The following MCM8 variants were observed in gnomAD, a reference collection of about 807,000 sequenced individuals.
MCM8 encodes minichromosome maintenance 8 homologous recombination repair factor, also known as DNA helicase MCM8.
A neutral mutation model predicts 98.9 loss-of-function variants in MCM8; 85 were observed. That is an observed-to-expected ratio of 0.86 (90% CI 0.72 to 1.03). MCM8 has a LOEUF of 1.03. MCM8 is among the 50% of genes least tolerant of loss of function. The probability of loss-of-function intolerance (pLI) is 0.00; values close to 1 mark genes in which losing one functional copy is unlikely to be tolerated. For synonymous variants in MCM8, 352 were observed against 338.6 expected, an observed-to-expected ratio of 1.04 and a Z score of -0.44; for missense variants, 951 against 997.8, an observed-to-expected ratio of 0.95 and a Z score of 0.63.
At chr20:5,961,993 A>T (rs1440067868) in intron 7 of MCM8, among the ~76,000 whole-genome samples, 3 of 152,232 alleles carry the variant, frequency 2.0e-5, no homozygotes, top group Non-Finnish European at 4.4e-5. Flanking sequence ...TCTGTGGATC[A>T]GGAGTTTGGA....
chr20:5,960,231 C>T (rs766708234), intron 7 of MCM8, among the ~76,000 whole-genome samples: 2 of 151,964 alleles, frequency 1.3e-5, no homozygotes, highest in Non-Finnish European at 2.9e-5. Context: ...GTTTCTTTAT[C>T]GAATTTTCTA....
intron 16 of MCM8, among the ~76,000 whole-genome samples, chr20:5,986,668 G>T (rs112330878): frequency 5.9e-5 from 9 of 152,138 alleles, no homozygotes; most frequent in African/African-American, 2.2e-4. Flanking sequence ...TATTGGTTAG[G>T]TATGATTTCC....
At chr20:5,969,176 G>A (rs1459339881) in intron 10 of MCM8, among the ~76,000 whole-genome samples, 1 of 152,166 alleles carries the variant, frequency 6.6e-6, no homozygotes, top group East Asian at 1.9e-4. Flanking sequence ...TGTTACTTTT[G>A]ATAATTTTTT....
At chr20:5,968,678 A>G (rs1342041364) in intron 10 of MCM8, among the ~76,000 whole-genome samples, 1 of 152,230 alleles carries the variant, frequency 6.6e-6, no homozygotes. Flanking sequence ...CAGAGAACAT[A>G]TATATGGCTC....
intron 13 of MCM8, among the ~76,000 whole-genome samples, chr20:5,981,497 C>T (rs1045806741): frequency 6.6e-6 from 1 of 152,056 alleles, no homozygotes; most frequent in East Asian, 1.9e-4. Flanking sequence ...TTCAACAAAG[C>T]CCCCCTTGCT....
intron 3 of MCM8, among the ~76,000 whole-genome samples, chr20:5,953,807 G>A (rs2088899376): frequency 6.6e-6 from 1 of 151,540 alleles, no homozygotes; most frequent in South Asian, 2.1e-4. Context: ...CTAGACGTTT[G>A]AGGTCCAGGA....
intron 14 of MCM8, among the ~76,000 whole-genome samples, chr20:5,984,400 T>C (rs988945665): frequency 2.0e-5 from 3 of 152,116 alleles, no homozygotes; most frequent in Non-Finnish European, 4.4e-5. Context: ...ATCAGAAAGA[T>C]CTATTGAACA....
chr20:5,972,812 G>T (rs773466230), intron 11 of MCM8: 47 of 1,427,618 alleles, frequency 3.3e-5, no homozygotes, highest in Non-Finnish European at 4.1e-5. Flanking sequence ...ATGGATTTAT[G>T]CCTTGCAAGG....
intron 10 of MCM8, among the ~76,000 whole-genome samples, chr20:5,971,239 T>A (rs1182010381): frequency 6.6e-6 from 1 of 152,226 alleles, no homozygotes; most frequent in Admixed American, 6.5e-5. Context: ...TGCCTTATTA[T>A]ACCTCTCTGG....
At chr20:5,976,804 C>T (rs1026420870) in intron 12 of MCM8, among the ~76,000 whole-genome samples, 1 of 152,220 alleles carries the variant, frequency 6.6e-6, no homozygotes, top group East Asian at 1.9e-4. Context: ...GTCCGGCTCT[C>T]TCTCTGCTAG....
At chr20:5,970,334 G>A (rs1465237962) in intron 10 of MCM8, among the ~76,000 whole-genome samples, 4 of 152,202 alleles carry the variant, frequency 2.6e-5, no homozygotes, top group Non-Finnish European at 4.4e-5. Flanking sequence ...GATCAACATA[G>A]TTTACTTGGG....
chr20:5,979,171 C>T (rs975504435), intron 13 of MCM8, among the ~76,000 whole-genome samples: 1 of 152,210 alleles, frequency 6.6e-6, no homozygotes, highest in Non-Finnish European at 1.5e-5. Flanking sequence ...TAATCACTCC[C>T]TCCTCCTTGA....
intron 1 of MCM8, 78 bp downstream of exon 1, chr20:5,951,101 C>T (rs1250886282): frequency 1.3e-5 from 2 of 152,204 alleles, no homozygotes; most frequent in African/African-American, 4.8e-5. Context: ...TCTTTTTACT[C>T]TTTCTCCAGT....
rs541246012 is a variant in MCM8 at position 5,953,536 on chromosome 20, C to T, written c.253+1008C>T. The stretch of plus-strand genomic sequence containing the variant: ...TTGCCCAGGCTGAAGTGCAGTGGCG[C>T]GATCTTGGCTCACTGCAAGCTCTGC... On this transcript the variant is annotated intron_variant, in intron 3 of 18. Transcript: ENST00000610722. Among the ~76,000 whole-genome samples the T allele has an allele frequency of 6.8e-4, 103 of 151,664 alleles. 2 individuals are homozygous for T. The highest frequency in any genetic ancestry group is 2.3e-3 in the African/African-American group (93 of 41,280).
chr20:5,994,136 A>G (rs566689398), intron 18 of MCM8, among the ~76,000 whole-genome samples, 163 bp from the exon 19 acceptor site: 6 of 152,346 alleles, frequency 3.9e-5, no homozygotes, highest in Middle Eastern at 3.4e-3. Flanking sequence ...GGCATTATAG[A>G]ATCCAGAACT....
intron 6 of MCM8, 56 bp from the exon 7 acceptor site, chr20:5,958,472 T>C: frequency 4.3e-6 from 6 of 1,401,490 alleles, no homozygotes; most frequent in Non-Finnish European, 5.0e-6. Flanking sequence ...AAAAGGAACT[T>C]GTGAAAATAT....
intron 17 of MCM8, among the ~76,000 whole-genome samples, chr20:5,992,680 T>C (rs553735205): frequency 6.5e-4 from 99 of 152,302 alleles, no homozygotes; most frequent in Admixed American, 3.1e-3. Flanking sequence ...AGCTTTATTG[T>C]TTATAACCCA....
chr20:5,952,430 C>T lies in MCM8; in HGVS notation c.155C>T (p.Thr52Ile), dbSNP rs561643414. ...AGTATTTTATTTTTTTCAGAACAAA[C>T]CCCACAGTTTTTGCTTTCAACAAAG... ...KTTGKRTSEQ[T>I]PQFLLSTKTP... is the part of the protein sequence containing the mutation. Residue 52 changes from threonine to isoleucine, a missense_variant, in exon 3 of 19, where the codon ACC (threonine) becomes ATC (isoleucine). Transcript: ENST00000610722. The T allele has an allele frequency of 6.2e-7, 1 of 1,613,634 alleles. No individual in the cohort carries two copies. The highest frequency in any genetic ancestry group is 1.3e-5 in the African/African-American group (1 of 74,982).
At chr20:5,960,654 G>A (rs901710675) in intron 7 of MCM8, among the ~76,000 whole-genome samples, 8 of 151,948 alleles carry the variant, frequency 5.3e-5, no homozygotes, top group Non-Finnish European at 1.2e-4. Flanking sequence ...GCCGTTCTTC[G>A]GCTGGGCTTG....
Sources: gnomAD v4.1 joint callset for allele counts (sites outside exome capture counted in the v4.1 genomes callset) on GRCh38, gnomAD v4.1.1 for gene constraint, MANE v1.5 for transcripts, NCBI Gene and HGNC (gene_info 2026-07-23, HGNC 2026-07-21) for gene names.